MAGEA1: variants seen among roughly 807,000 people sequenced by gnomAD.
The protein encoded by MAGEA1 is melanoma-associated antigen 1.
For missense variants in MAGEA1, 182 were observed against 233.7 expected (o/e 0.78, Z 1.44); for synonymous variants, 101 against 96.7 (o/e 1.04, Z -0.26).
rs2008144 is a variant in MAGEA1 at position 153,182,604 on chromosome X, G to A, written c.215G>A (p.Arg72Gln). 90,341 of 1,209,101 alleles carry A rather than the reference G, an allele frequency of 0.075. 5,435 individuals are homozygous for A. Among genetic ancestry groups the A allele is most frequent in the East Asian group, 0.44 (14,654 of 33,622 alleles). Reference sequence around the variant, plus strand: ...TTTCCCACTACCATCAACTTCACTCGACAGAGGCAACCCAGTGAGGGTTCC... The same window carrying A: ...TTTCCCACTACCATCAACTTCACTCAACAGAGGCAACCCAGTGAGGGTTCC... Reference protein sequence around the residue: ...SAFPTTINFTRQRQPSEGSSS... With the variant: ...SAFPTTINFTQQRQPSEGSSS... Residue 72 changes from arginine to glutamine, a missense_variant, in exon 3 of 3, where the codon CGA becomes CAA. Coordinates refer to ENST00000356661, the MANE Select transcript of MAGEA1 (RefSeq NM_004988.5).
rs373682063 is a variant in MAGEA1, at chrX:153,183,193, A to G, written c.804A>G (p.Pro268=). ...CACGCTATGAGTTCCTGTGGGGTCCAAGGGCCCTCGCTGAAACCAGCTATG... is the reference window on the plus strand; with the variant it reads ...CACGCTATGAGTTCCTGTGGGGTCCGAGGGCCCTCGCTGAAACCAGCTATG... ...DPARYEFLWG[P]RALAETSYVK... The change falls in exon 3 of 3, where the codon CCA becomes CCG. Residue 268 remains proline (P), a synonymous_variant. Transcript: ENST00000356661. 1.6e-6 allele frequency: 2 copies of G among 1,212,289 alleles called. No homozygotes were observed. Among genetic ancestry groups the G allele is most frequent in the Non-Finnish European group, 1.1e-6 (1 of 895,587 alleles).
chrX:153,180,349 T>C (rs782141760), intron 1 of MAGEA1, among the ~76,000 whole-genome samples: 1 of 110,599 alleles, frequency 9.0e-6, no homozygotes, highest in Non-Finnish European at 1.9e-5. Context: ...CCCACACCTG[T>C]CTCCTCATCT....
intron 1 of MAGEA1, among the ~76,000 whole-genome samples, chrX:153,180,094 G>T (rs974122534): frequency 3.6e-5 from 4 of 110,537 alleles, no homozygotes; most frequent in Non-Finnish European, 7.6e-5. Context: ...ACCCCAGGTA[G>T]ATGGCCCCAA....
chrX:153,180,804 G>A (rs1307753648), intron 1 of MAGEA1, among the ~76,000 whole-genome samples: 1 of 111,455 alleles, frequency 9.0e-6, no homozygotes, highest in East Asian at 2.9e-4. Context: ...CATATTTCCT[G>A]CATCTTTGAG....
chrX:153,182,246 A>T lies in MAGEA1; in HGVS notation c.-69A>T. Reference sequence around the variant, plus strand: ...GCCACAGAGGAGCACCAAGGAGAAGATCTGTAAGTAGGCCTTTGTTAGAGT... The same window carrying T: ...GCCACAGAGGAGCACCAAGGAGAAGTTCTGTAAGTAGGCCTTTGTTAGAGT... On this transcript the variant is annotated 5_prime_UTR_variant, in exon 2 of 3. Coordinates refer to ENST00000356661, the MANE Select transcript of MAGEA1 (RefSeq NM_004988.5). 1 of 1,027,503 alleles carries T rather than the reference A, an allele frequency of 9.7e-7. No homozygotes were observed. Among genetic ancestry groups the T allele is most frequent in the Non-Finnish European group, 1.4e-6 (1 of 729,656 alleles). 84.7% of individuals were successfully genotyped at this position (1,027,503 alleles called of 1,213,427 possible).
intron 1 of MAGEA1, 39 bp from the exon 2 acceptor site, chrX:153,182,138 C>T (rs2051497258): frequency 1.7e-6 from 1 of 604,529 alleles, no homozygotes; most frequent in Non-Finnish European, 2.7e-6. Context: ...CCTCTGCTGG[C>T]CGGCTGTACC....
intron 1 of MAGEA1, among the ~76,000 whole-genome samples, chrX:153,181,956 G>A (rs1417275658): frequency 2.7e-5 from 3 of 111,287 alleles, no homozygotes; most frequent in Non-Finnish European, 5.7e-5. Flanking sequence ...GAACCAGGCA[G>A]TGAGGCCTTG....
At chrX:153,180,141 C>T (rs1366436780) in intron 1 of MAGEA1, among the ~76,000 whole-genome samples, 2 of 111,078 alleles carry the variant, frequency 1.8e-5, no homozygotes, top group African/African-American at 6.6e-5. Context: ...AGCCCTGGAC[C>T]ACCCGGCCAG....
chrX:153,180,539 G>A (rs1208776848), intron 1 of MAGEA1, among the ~76,000 whole-genome samples: 2 of 111,601 alleles, frequency 1.8e-5, no homozygotes, highest in Non-Finnish European at 3.8e-5. Context: ...GGAGCAGAGG[G>A]AGGGCCCTAC....
In MAGEA1 at chrX:153,182,511, G is replaced by A. The variant is rs782207325; in HGVS notation, c.122G>A (p.Gly41Asp). The change falls in exon 3 of 3, where the codon GGC becomes GAC. Residue 41 changes from glycine to aspartate, a missense_variant. Gly to Asp is a moderately conservative substitution (Grantham distance 94). Transcript: ENST00000356661. ...TCCTCCTCCTCTCCTCTGGTCCTGG[G>A]CACCCTGGAGGAGGTGCCCACTGCT... Reference protein sequence around the residue: ...ATSSSSPLVLGTLEEVPTAGS... With the variant: ...ATSSSSPLVLDTLEEVPTAGS... The A allele has an allele frequency of 2.1e-5, 25 of 1,209,581 alleles. No homozygotes were observed. The East Asian group carries it at 6.8e-4, about 33-fold the overall frequency.
Position 153,182,327 on chromosome X carries a change from C to T in MAGEA1, c.-63C>T. On this transcript the variant is annotated splice_region_variant and 5_prime_UTR_variant, in exon 3 of 3. Transcript: ENST00000356661. Reference sequence around the variant, plus strand: ...TCACACACTCCCTCTCTCCCCAGGCCTGTGGGTCTTCATTGCCCAGCTCCT... The same window carrying T: ...TCACACACTCCCTCTCTCCCCAGGCTTGTGGGTCTTCATTGCCCAGCTCCT... 9.4e-7 allele frequency: 1 copy of T among 1,065,265 alleles called. No homozygotes were observed. Among genetic ancestry groups the T allele is most frequent in the Non-Finnish European group, 1.3e-6 (1 of 762,274 alleles). The allele number at this position is 1,065,265 out of a possible 1,213,427, so 87.8% of individuals were successfully genotyped here. A position where few individuals can be genotyped will look rare whatever the true frequency, so the allele number is the denominator to read the frequency against.
At chrX:153,181,818 G>A (rs1223484224) in intron 1 of MAGEA1, among the ~76,000 whole-genome samples, 1 of 111,346 alleles carries the variant, frequency 9.0e-6, no homozygotes, top group Non-Finnish European at 1.9e-5. Context: ...AACAGAGGGG[G>A]TCATCCACTG....
Position 153,183,370 on chromosome X carries a change from T to C in MAGEA1, c.*51T>C. 8.9e-7 allele frequency: 1 copy of C among 1,122,916 alleles called. No homozygotes were observed. Among genetic ancestry groups the C allele is most frequent in the Non-Finnish European group, 1.2e-6 (1 of 828,771 alleles). 92.5% of individuals were successfully genotyped at this position (1,122,916 alleles called of 1,213,427 possible). ...GGAGGGGGACTGGGCCAGTGCACCT[T>C]CCAGGGCCGCGTCCAGCAGCTTCCC... On this transcript the variant is annotated 3_prime_UTR_variant, in exon 3 of 3. Coordinates refer to ENST00000356661, the MANE Select transcript of MAGEA1 (RefSeq NM_004988.5).
Position 153,183,414 on chromosome X carries a change from G to A in MAGEA1, c.*95G>A. ...GCTTCCCCTGCCTCGTGTGACATGA[G>A]GCCCATTCTTCACTCTGAAGAGAGC... is the stretch of plus-strand genomic sequence containing the variant. On this transcript the variant is annotated 3_prime_UTR_variant, in exon 3 of 3. Transcript: ENST00000356661. The A allele has an allele frequency of 1.2e-6, 1 of 868,393 alleles. No homozygotes were observed. The highest frequency in any genetic ancestry group is 1.6e-6 in the Non-Finnish European group (1 of 606,244). The allele number at this position is 868,393 out of a possible 1,213,427, so 71.6% of individuals were successfully genotyped here. A position where few individuals can be genotyped will look rare whatever the true frequency, so the allele number is the denominator to read the frequency against.
chrX:153,179,559 T>C (rs782813425), intron 1 of MAGEA1, among the ~76,000 whole-genome samples, 194 bp downstream of exon 1: 1 of 109,675 alleles, frequency 9.1e-6, no homozygotes, highest in African/African-American at 3.3e-5. Context: ...CAGAGGTTGC[T>C]GTGACCAGGG....
chrX:153,180,146 G>A (rs1429293683), intron 1 of MAGEA1, among the ~76,000 whole-genome samples: 2 of 110,749 alleles, frequency 1.8e-5, no homozygotes, highest in African/African-American at 3.3e-5. Flanking sequence ...TGGACCACCC[G>A]GCCAGGACAG....
chrX:153,181,971 G>A (rs2051496069), intron 1 of MAGEA1, among the ~76,000 whole-genome samples: 1 of 111,330 alleles, frequency 9.0e-6, no homozygotes, highest in Admixed American at 9.5e-5. Flanking sequence ...GCCTTGGTCT[G>A]AGACAGTATC....
intron 1 of MAGEA1, among the ~76,000 whole-genome samples, chrX:153,180,000 C>T (rs781959623): frequency 1.7e-4 from 18 of 108,405 alleles, no homozygotes; most frequent in Admixed American, 1.3e-3. Context: ...TTCTGAGGGG[C>T]GGCTTGAGAT....
intron 1 of MAGEA1, among the ~76,000 whole-genome samples, chrX:153,180,448 C>T (rs1486488548): frequency 2.7e-5 from 3 of 111,442 alleles, no homozygotes; most frequent in African/African-American, 6.5e-5. Context: ...ACGGAAGCCA[C>T]GGGAATGGCG....
Sources: gnomAD v4.1 joint callset for allele counts (sites outside exome capture counted in the v4.1 genomes callset) on GRCh38, gnomAD v4.1.1 for gene constraint, MANE v1.5 for transcripts, NCBI Gene and HGNC (gene_info 2026-07-23, HGNC 2026-07-21) for gene names.